TBC1D5: variants seen among roughly 807,000 people sequenced by gnomAD.
TBC1D5 encodes TBC1 domain family member 5.
In TBC1D5, 75 loss-of-function variants were observed where a neutral mutation model predicts 100.3. That is an observed-to-expected ratio of 0.75 (90% CI 0.62 to 0.91). The LOEUF (loss-of-function observed/expected upper bound fraction) is 0.91. Among genes scored for constraint, TBC1D5 ranks in the 40% least tolerant of loss-of-function variants. TBC1D5 has a pLI of 0.00. For synonymous variants in TBC1D5, 323 were observed against 325.6 expected, an observed-to-expected ratio of 0.99 and a Z score of 0.09; for missense variants, 910 against 942.4, an observed-to-expected ratio of 0.97 and a Z score of 0.45.
chr3:17,742,223 C>G (rs528037151), upstream of TBC1D5, among the ~76,000 whole-genome samples: 5 of 152,250 alleles, frequency 3.3e-5, no homozygotes, highest in South Asian at 1.0e-3. Context: ...CCATCCACCC[C>G]CGACGCCGAC....
intron 2 of TBC1D5, among the ~76,000 whole-genome samples, chr3:17,554,535 A>C (rs966000332): frequency 6.6e-6 from 1 of 152,224 alleles, no homozygotes; most frequent in Non-Finnish European, 1.5e-5. Context: ...ACAGGGATAC[A>C]ACTTTACTTT....
At chr3:17,438,952 A>G (rs2094586632) in intron 3 of TBC1D5, among the ~76,000 whole-genome samples, 1 of 152,198 alleles carries the variant, frequency 6.6e-6, no homozygotes, top group Middle Eastern at 3.4e-3. Flanking sequence ...AATAAAATAC[A>G]TATTATTTAC....
chr3:17,382,521 A>G (rs999508098), intron 9 of TBC1D5, among the ~76,000 whole-genome samples: 9 of 150,408 alleles, frequency 6.0e-5, no homozygotes, highest in African/African-American at 2.2e-4. Context: ...AAAACATGCT[A>G]TTTTTCTATT....
chr3:17,330,968 T>C (rs1371264205), intron 13 of TBC1D5, among the ~76,000 whole-genome samples: 1 of 152,170 alleles, frequency 6.6e-6, no homozygotes, highest in Non-Finnish European at 1.5e-5. Flanking sequence ...TTCTGATCCC[T>C]CCTTTTCCTC....
chr3:17,251,481 C>T (rs943088577), intron 16 of TBC1D5, among the ~76,000 whole-genome samples: 1 of 142,012 alleles, frequency 7.0e-6, no homozygotes. Flanking sequence ...GAGACAGGCA[C>T]ACATATGGAA....
Position 17,576,690 on chromosome 3 carries a change from T to G in TBC1D5, c.-36+47159A>C, listed in dbSNP as rs1028706608. 61 of 152,036 alleles carry G rather than the reference T, an allele frequency of 4.0e-4. 1 individual carries two copies. Among genetic ancestry groups the G allele is most frequent in the Admixed American group, 4.0e-3 (61 of 15,248 alleles). The allele number at this position is 152,036 out of a possible 1,614,324, so 9.4% of individuals were successfully genotyped here. On this transcript the variant is annotated intron_variant, in intron 2 of 21. Transcript: ENST00000253692. Reference sequence around the variant, plus strand: ...CTATTATGATTGATTGACTGATTTGTTTTTTAAGAAAAATAGTAGCACGTG... The same window carrying G: ...CTATTATGATTGATTGACTGATTTGGTTTTTAAGAAAAATAGTAGCACGTG...
rs138524796 is a variant in TBC1D5 at position 17,549,862 on chromosome 3, G to A, written c.-35-41257C>T. ...GGAGAATGGCTTGAACCCAGGGGGC[G>A]GAGGTTGCACTGAGCCAAGATTGAG... On this transcript the variant is annotated intron_variant, in intron 2 of 21. Transcript: ENST00000253692. 1.5e-4 allele frequency among the ~76,000 whole-genome samples: 23 copies of A among 151,806 alleles called. 1 individual carries two copies. In the East Asian group the frequency reaches 3.3e-3, roughly 22 times the overall value.
chr3:17,399,216 T>C (rs371615688), intron 8 of TBC1D5, among the ~76,000 whole-genome samples: 8 of 152,132 alleles, frequency 5.3e-5, no homozygotes, highest in Admixed American at 4.6e-4. Context: ...CAGGGAGTCA[T>C]AGAAAGTTCT....
At chr3:17,394,419 G>C (rs1431398183) in intron 8 of TBC1D5, among the ~76,000 whole-genome samples, 1 of 152,024 alleles carries the variant, frequency 6.6e-6, no homozygotes, top group Non-Finnish European at 1.5e-5. Flanking sequence ...AGTTATATTT[G>C]TTTATTCATG....
intron 18 of TBC1D5, among the ~76,000 whole-genome samples, chr3:17,207,156 G>T (rs1039115808): frequency 3.9e-5 from 6 of 152,004 alleles, no homozygotes; most frequent in Non-Finnish European, 8.8e-5. Context: ...CCTAGGCTGA[G>T]AATTTTTCTT....
chr3:17,533,649 G>GA (rs2096255015), intron 2 of TBC1D5, among the ~76,000 whole-genome samples: 1 of 152,136 alleles, frequency 6.6e-6, no homozygotes, highest in Non-Finnish European at 1.5e-5. Flanking sequence ...TAGATTTTGT[G>GA]AATTGTCAAA....
At chr3:17,582,962 C>T (rs763907727) in intron 2 of TBC1D5, among the ~76,000 whole-genome samples, 1 of 152,004 alleles carries the variant, frequency 6.6e-6, no homozygotes, top group Non-Finnish European at 1.5e-5. Flanking sequence ...GATATAATTA[C>T]TATATAAAAA....
chr3:17,708,380 T>C (rs2074385565), intron 1 of TBC1D5, among the ~76,000 whole-genome samples: 3 of 152,336 alleles, frequency 2.0e-5, no homozygotes, highest in South Asian at 4.1e-4. Context: ...GATGGACATT[T>C]AGGTTATTTC....
intron 2 of TBC1D5, among the ~76,000 whole-genome samples, chr3:17,594,901 G>C (rs777424543): frequency 2.0e-5 from 3 of 152,164 alleles, no homozygotes; most frequent in Non-Finnish European, 4.4e-5. Context: ...ACAAAGTATT[G>C]ATCCTGGGTG....
intron 2 of TBC1D5, among the ~76,000 whole-genome samples, chr3:17,537,543 G>A (rs1448116117): frequency 6.6e-6 from 1 of 152,062 alleles, no homozygotes; most frequent in East Asian, 1.9e-4. Flanking sequence ...TTTATGCTCT[G>A]TATGCATTAA....
At chr3:17,243,114 C>T (rs577631119) in intron 16 of TBC1D5, among the ~76,000 whole-genome samples, 1 of 152,284 alleles carries the variant, frequency 6.6e-6, no homozygotes, top group East Asian at 1.9e-4. Context: ...GGGTCACAGA[C>T]TTGTTACCAA....
chr3:17,732,184 G>A (rs906160295), intron 1 of TBC1D5, among the ~76,000 whole-genome samples: 1 of 152,044 alleles, frequency 6.6e-6, no homozygotes, highest in Admixed American at 6.6e-5. Flanking sequence ...TGGGCATGGT[G>A]GTGGGCGCCT....
At chr3:17,651,671 G>A (rs1160683572) in intron 1 of TBC1D5, among the ~76,000 whole-genome samples, 1 of 151,814 alleles carries the variant, frequency 6.6e-6, no homozygotes, top group African/African-American at 2.4e-5. Context: ...CTACTGCACT[G>A]CAGCCTGGGT....
intron 13 of TBC1D5, among the ~76,000 whole-genome samples, chr3:17,365,829 T>C (rs1053165998): frequency 6.6e-6 from 1 of 152,180 alleles, no homozygotes; most frequent in East Asian, 1.9e-4. Context: ...ACCACACTTA[T>C]AGTCCTAGTC....
Sources: gnomAD v4.1 joint callset for allele counts (sites outside exome capture counted in the v4.1 genomes callset) on GRCh38, gnomAD v4.1.1 for gene constraint, MANE v1.5 for transcripts, NCBI Gene and HGNC (gene_info 2026-07-23, HGNC 2026-07-21) for gene names.